Variants in AMOTL1 observed in about 807,000 individuals in gnomAD.
The protein encoded by AMOTL1 is angiomotin like 1.
Under a neutral mutation model 102.9 loss-of-function variants are expected in AMOTL1, and 45 were observed. The observed-to-expected ratio is 0.44, with a 90% CI of 0.34 to 0.56. The LOEUF (loss-of-function observed/expected upper bound fraction) is 0.56. Among genes scored for constraint, AMOTL1 ranks in the 20% least tolerant of loss-of-function variants. The probability of loss-of-function intolerance (pLI) is 0.01; values close to 1 mark genes in which losing one functional copy is unlikely to be tolerated. For synonymous variants in AMOTL1, 481 were observed against 484.7 expected (o/e 0.99, Z 0.10); for missense variants, 1,114 against 1,225.6 (o/e 0.91, Z 1.36).
In AMOTL1 at chr11:94,806,269, G is replaced by A. The variant is rs1202281616; in HGVS notation, c.1121+5958G>A. 2.6e-5 allele frequency among the ~76,000 whole-genome samples: 4 copies of A among 152,232 alleles called. No individual in the cohort carries two copies. The East Asian group carries it at 7.7e-4, about 29-fold the overall frequency. On this transcript the variant is annotated intron_variant, in intron 3 of 12. Coordinates refer to ENST00000433060, the MANE Select transcript of AMOTL1 (RefSeq NM_130847.3). ...CATGAAGATATTTGCTAAATCACAG[G>A]CCTTACTCCTAGTGGGCTCTGTGTT...
At chr11:94,813,768 C>G (rs1166151796) in intron 3 of AMOTL1, among the ~76,000 whole-genome samples, 1 of 152,196 alleles carries the variant, frequency 6.6e-6, no homozygotes, top group African/African-American at 2.4e-5. Context: ...GAGCTTCGAT[C>G]AGGAATGGAC....
intron 1 of AMOTL1, among the ~76,000 whole-genome samples, chr11:94,768,935 C>CGGAAGGGGGT (rs1950899924): frequency 6.6e-6 from 1 of 151,966 alleles, no homozygotes; most frequent in African/African-American, 2.4e-5. Context: ...AGGGAGGGGA[C>CGGAAGGGGGT]GGAAGGGGGT....
intron 6 of AMOTL1, 77 bp from the exon 7 acceptor site, chr11:94,850,037 C>G (rs1362065344): frequency 6.9e-7 from 1 of 1,441,170 alleles, no homozygotes; most frequent in Non-Finnish European, 9.3e-7. Flanking sequence ...TTAATCCTTG[C>G]CAGATGTCGA....
intron 6 of AMOTL1, among the ~76,000 whole-genome samples, chr11:94,831,794 C>T (rs907621423): frequency 6.6e-5 from 10 of 152,154 alleles, no homozygotes; most frequent in African/African-American, 2.4e-4. Flanking sequence ...CTATAATACC[C>T]TTCAAGCAAT....
rs531290337 is a variant in AMOTL1 at position 94,741,761 on chromosome 11, G to A, written c.136+773G>A. On this transcript the variant is annotated intron_variant, in intron 3 of 4. Coordinates refer to the AMOTL1 transcript ENST00000299004. ...TTTCAAGGTTAGTTTAGCTGCTACTGGTCTGGGCTATCAAGTCTCTCCTTA... is the reference window on the plus strand; with the variant it reads ...TTTCAAGGTTAGTTTAGCTGCTACTAGTCTGGGCTATCAAGTCTCTCCTTA... 7.2e-5 allele frequency among the ~76,000 whole-genome samples: 11 copies of A among 152,032 alleles called. No homozygotes were observed. The South Asian group carries it at 1.7e-3, about 23-fold the overall frequency.
At chr11:94,742,017 CT>C (rs1950534337) in intron 3 of AMOTL1, among the ~76,000 whole-genome samples, 1 of 152,178 alleles carries the variant, frequency 6.6e-6, no homozygotes, top group African/African-American at 2.4e-5. Context: ...AAAATTCCAC[CT>C]CAACAACGAC....
intron 1 of AMOTL1, among the ~76,000 whole-genome samples, chr11:94,775,661 G>A (rs1951017446): frequency 6.6e-6 from 1 of 152,170 alleles, no homozygotes; most frequent in Non-Finnish European, 1.5e-5. Context: ...CAGTTCAAGT[G>A]CTTAATAGCC....
At chr11:94,790,318 C>T (rs1951261617) in intron 1 of AMOTL1, among the ~76,000 whole-genome samples, 1 of 152,182 alleles carries the variant, frequency 6.6e-6, no homozygotes. Flanking sequence ...TAACACCAGC[C>T]TATTAAATGA....
intron 1 of AMOTL1, among the ~76,000 whole-genome samples, chr11:94,776,750 G>A (rs757373122): frequency 1.3e-5 from 2 of 152,202 alleles, no homozygotes; most frequent in African/African-American, 2.4e-5. Context: ...TTTCTGACAC[G>A]GGTGGTGTTC....
At chr11:94,847,841 A>G (rs1952449265) in intron 6 of AMOTL1, among the ~76,000 whole-genome samples, 1 of 152,312 alleles carries the variant, frequency 6.6e-6, no homozygotes, top group South Asian at 2.1e-4. Context: ...AATAATAGTG[A>G]TCACTGATTT....
chr11:94,866,096 C>A lies in AMOTL1; in HGVS notation c.2416C>A (p.Arg806Ser), dbSNP rs901646322. The A allele has an allele frequency of 6.2e-7, 1 of 1,613,978 alleles. No homozygotes were observed. Among genetic ancestry groups the A allele is most frequent in the Non-Finnish European group, 8.5e-7 (1 of 1,179,880 alleles). ...AGCAGCAGCTACTGGGACACACTCTCGCCAGACCTCTCTTACCAGCAGCCA... is the reference window on the plus strand; with the variant it reads ...AGCAGCAGCTACTGGGACACACTCTAGCCAGACCTCTCTTACCAGCAGCCA... ...SIAAATGTHS[R>S]QTSLTSSQLA... Residue 806 changes from arginine (R) to serine (S), a missense_variant, in exon 11 of 13, where the codon CGC becomes AGC. Transcript: ENST00000433060.
At chr11:94,710,944 T>C (rs1313030094) in intron 1 of AMOTL1, among the ~76,000 whole-genome samples, 2 of 152,174 alleles carry the variant, frequency 1.3e-5, no homozygotes, top group Non-Finnish European at 2.9e-5. Context: ...TTTATTACTA[T>C]TTTTAAAGTT....
rs770044740 is a variant in AMOTL1, at chr11:94,799,467, G to T, written c.277G>T (p.Ala93Ser). Residue 93 changes from alanine (A) to serine (S), a missense_variant, in exon 3 of 13, where the codon GCG (alanine) becomes TCG (serine). By Grantham distance (99) the Ala-to-Ser change is moderately conservative. Coordinates refer to ENST00000433060, the MANE Select transcript of AMOTL1 (RefSeq NM_130847.3). The surrounding 1 kb of genome is among the most constrained non-coding windows in gnomAD (Gnocchi z 4.5). ...GGTGGAAATGAGAGGTTCCGAGGAT[G>T]CGGCAGCTGGAACAGTATTGCAGCG... is the stretch of plus-strand genomic sequence containing the variant. ...SEVEMRGSED[A>S]AAGTVLQRLI... The T allele has an allele frequency of 5.5e-5, 88 of 1,609,736 alleles. 2 individuals are homozygous for T. In the South Asian group the frequency reaches 9.5e-4, roughly 17 times the overall value.
chr11:94,712,857 A>T (rs1283836448), intron 1 of AMOTL1, among the ~76,000 whole-genome samples: 3 of 151,878 alleles, frequency 2.0e-5, no homozygotes, highest in African/African-American at 7.2e-5. Flanking sequence ...CAGTTAATCA[A>T]TTTTTCCTTT....
At chr11:94,771,464 A>G (rs1245202693) in intron 1 of AMOTL1, among the ~76,000 whole-genome samples, 1 of 152,124 alleles carries the variant, frequency 6.6e-6, no homozygotes, top group Non-Finnish European at 1.5e-5. Context: ...ATTTGATTAC[A>G]AGGTTTGTTG....
chr11:94,846,401 A>C (rs1952411865), intron 6 of AMOTL1, among the ~76,000 whole-genome samples: 1 of 152,238 alleles, frequency 6.6e-6, no homozygotes, highest in Non-Finnish European at 1.5e-5. Flanking sequence ...GGAACTTACT[A>C]TATGCCTTTT....
chr11:94,717,732 T>C (rs1276746874), intron 1 of AMOTL1, among the ~76,000 whole-genome samples: 1 of 151,830 alleles, frequency 6.6e-6, no homozygotes, highest in Non-Finnish European at 1.5e-5. Flanking sequence ...ACATATGTGA[T>C]GAAAGTAGTA....
chr11:94,797,656 G>T (rs1356860514), intron 2 of AMOTL1, among the ~76,000 whole-genome samples: 2 of 152,240 alleles, frequency 1.3e-5, no homozygotes, highest in Non-Finnish European at 2.9e-5. Context: ...GCTATCACTT[G>T]TCCAATAATT....
intron 8 of AMOTL1, among the ~76,000 whole-genome samples, chr11:94,855,796 C>T (rs1160660996): frequency 6.6e-6 from 1 of 152,216 alleles, no homozygotes; most frequent in Non-Finnish European, 1.5e-5. Context: ...CATGCACGCT[C>T]ACCCACACAG....
Sources: allele counts gnomAD v4.1 joint callset (sites outside exome capture counted in the v4.1 genomes callset), GRCh38; gene constraint gnomAD v4.1.1; non-coding constraint Gnocchi (gnomAD v3.1); transcripts MANE v1.5; gene names NCBI Gene and HGNC (gene_info 2026-07-23, HGNC 2026-07-21).